ADGRG6: variants seen among roughly 807,000 people sequenced by gnomAD.
ADGRG6 encodes G-protein coupled receptor 126.
In ADGRG6, 84 loss-of-function variants were observed where a neutral mutation model predicts 142.4. The ratio of observed to expected loss-of-function variants is 0.59; its 90% CI spans 0.49 to 0.71. ADGRG6 has a LOEUF of 0.71. Among genes scored for constraint, ADGRG6 ranks in the 30% least tolerant of loss-of-function variants. ADGRG6 has a pLI of 0.00. For synonymous variants in ADGRG6, 521 were observed against 520.5 expected, an observed-to-expected ratio of 1.00 and a Z score of -0.01; for missense variants, 1,367 against 1,466.6, an observed-to-expected ratio of 0.93 and a Z score of 1.11.
chr6:142,413,491 T>TATA (rs1372833211), intron 18 of ADGRG6, among the ~76,000 whole-genome samples: 6 of 152,358 alleles, frequency 3.9e-5, no homozygotes, highest in African/African-American at 1.4e-4. Context: ...TGAAATTGTG[T>TATA]ATAAATCTGT....
At chr6:142,323,076 A>G (rs1194223427) in intron 2 of ADGRG6, among the ~76,000 whole-genome samples, 3 of 151,770 alleles carry the variant, frequency 2.0e-5, no homozygotes, top group Middle Eastern at 3.4e-3. Flanking sequence ...CTTGTTTCTG[A>G]AGAAGCACCT....
chr6:142,407,511 T>TA (rs1340750372), intron 15 of ADGRG6, among the ~76,000 whole-genome samples: 1 of 151,926 alleles, frequency 6.6e-6, no homozygotes, highest in East Asian at 1.9e-4. Flanking sequence ...AAGAAAAAAA[T>TA]AGAGATGAAC....
At chr6:142,375,664 A>G (rs975318508) in intron 4 of ADGRG6, among the ~76,000 whole-genome samples, 3 of 152,198 alleles carry the variant, frequency 2.0e-5, no homozygotes, top group Non-Finnish European at 4.4e-5. Flanking sequence ...ACAGTAACCA[A>G]TGGGAGAATA....
intron 14 of ADGRG6, 126 bp downstream of exon 14, chr6:142,404,099 T>C: frequency 1.4e-6 from 1 of 716,932 alleles, no homozygotes; most frequent in Non-Finnish European, 2.4e-6. Flanking sequence ...GAATGTTGGC[T>C]AAGTTTAACT....
chr6:142,430,407 T>C lies in ADGRG6; in HGVS notation c.3320-7027T>C, dbSNP rs111735648. ...GCACCAAGTAAATGACAATATGCATTGCCTCGAATTTTACTGTATAGTAGT... is the reference window on the plus strand; with the variant it reads ...GCACCAAGTAAATGACAATATGCATCGCCTCGAATTTTACTGTATAGTAGT... On this transcript the variant is annotated intron_variant, in intron 22 of 24. Coordinates refer to ENST00000367609, the MANE Select transcript of ADGRG6 (RefSeq NM_198569.3). 4.5e-3 allele frequency among the ~76,000 whole-genome samples: 682 copies of C among 152,274 alleles called. 4 individuals are homozygous for C. Among genetic ancestry groups the C allele is most frequent in the African/African-American group, 0.016 (648 of 41,562 alleles).
chr6:142,419,282 G>A (rs915089531), intron 21 of ADGRG6, among the ~76,000 whole-genome samples: 1 of 152,124 alleles, frequency 6.6e-6, no homozygotes, highest in African/African-American at 2.4e-5. Flanking sequence ...TTGGACAGAA[G>A]ATGCTGGCTG....
chr6:142,325,644 A>G (rs996199630), intron 2 of ADGRG6, among the ~76,000 whole-genome samples: 2 of 152,248 alleles, frequency 1.3e-5, no homozygotes, highest in East Asian at 3.9e-4. Flanking sequence ...AAATCAAAAT[A>G]CCTGTAACCA....
chr6:142,424,573 C>T (rs1034033638), intron 22 of ADGRG6, among the ~76,000 whole-genome samples: 50 of 148,134 alleles, frequency 3.4e-4, no homozygotes, highest in African/African-American at 9.3e-4. Context: ...TTCGGTTTGC[C>T]GGTATTTTAT....
In ADGRG6 at chr6:142,396,103, A is replaced by G. The variant is rs192552738; in HGVS notation, c.1425-1510A>G. ...CCTGACTTGTTGGGTTTGGGTATTC[A>G]ATATCACCCACAATACTTTGGGCTA... is the stretch of plus-strand genomic sequence containing the variant. On this transcript the variant is annotated intron_variant, in intron 9 of 24. Transcript: ENST00000367609. Among the ~76,000 whole-genome samples, 307 of 152,324 alleles carry G rather than the reference A, an allele frequency of 2.0e-3. 4 individuals carry two copies. Among genetic ancestry groups the G allele is most frequent in the Admixed American group, 0.016 (248 of 15,282 alleles).
intron 2 of ADGRG6, 129 bp downstream of exon 2, chr6:142,309,773 A>G: frequency 3.8e-6 from 2 of 523,326 alleles, no homozygotes; most frequent in Non-Finnish European, 6.5e-6. Context: ...TTCTATCCTT[A>G]TAGGGCAGTT....
At chr6:142,319,110 G>A (rs1778394085) in intron 2 of ADGRG6, among the ~76,000 whole-genome samples, 1 of 152,118 alleles carries the variant, frequency 6.6e-6, no homozygotes, top group Non-Finnish European at 1.5e-5. Flanking sequence ...ATACTGTTGT[G>A]CCTTAGAAAT....
At chr6:142,320,701 T>C (rs1778471127) in intron 2 of ADGRG6, among the ~76,000 whole-genome samples, 1 of 152,080 alleles carries the variant, frequency 6.6e-6, no homozygotes, top group South Asian at 2.1e-4. Context: ...GATGGTTGAT[T>C]TCCATTTTTC....
At chr6:142,378,056 A>G (rs1157468382) in intron 4 of ADGRG6, among the ~76,000 whole-genome samples, 3 of 152,200 alleles carry the variant, frequency 2.0e-5, no homozygotes, top group African/African-American at 7.2e-5. Context: ...ACTGAGAAGT[A>G]ATTGTTGCAG....
intron 2 of ADGRG6, among the ~76,000 whole-genome samples, chr6:142,316,390 T>C (rs904666225): frequency 2.0e-5 from 3 of 152,162 alleles, no homozygotes; most frequent in African/African-American, 7.2e-5. Flanking sequence ...GTCACTCTTA[T>C]TGGTTTGGGC....
At chr6:142,430,395 G>A (rs1440612658) in intron 22 of ADGRG6, among the ~76,000 whole-genome samples, 2 of 152,142 alleles carry the variant, frequency 1.3e-5, no homozygotes, top group African/African-American at 2.4e-5. Flanking sequence ...CCAAGTAAAT[G>A]ACAATATGCA....
At chr6:142,364,968 C>G (rs1341266997) in intron 2 of ADGRG6, among the ~76,000 whole-genome samples, 1 of 152,244 alleles carries the variant, frequency 6.6e-6, no homozygotes, top group East Asian at 1.9e-4. Flanking sequence ...ATGCACATAA[C>G]TTGGGTCTTG....
intron 20 of ADGRG6, among the ~76,000 whole-genome samples, 192 bp downstream of exon 20, chr6:142,416,256 A>G (rs1477837422): frequency 1.3e-5 from 2 of 152,196 alleles, no homozygotes; most frequent in African/African-American, 4.8e-5. Context: ...ACTCATCAAC[A>G]GCACTCACTA....
At chr6:142,379,915 A>T (rs879398912) in intron 4 of ADGRG6, among the ~76,000 whole-genome samples, 18 of 152,224 alleles carry the variant, frequency 1.2e-4, no homozygotes, top group Non-Finnish European at 1.9e-4. Context: ...CATGTGCCCA[A>T]GATGGTCAGG....
chr6:142,329,888 G>T (rs1778958206), intron 2 of ADGRG6, among the ~76,000 whole-genome samples: 1 of 152,160 alleles, frequency 6.6e-6, no homozygotes. Flanking sequence ...AAAGGAGGAG[G>T]CTGGGAAGAC....
Sources: gnomAD v4.1 joint callset for allele counts (sites outside exome capture counted in the v4.1 genomes callset) on GRCh38, gnomAD v4.1.1 for gene constraint, MANE v1.5 for transcripts, NCBI Gene and HGNC (gene_info 2026-07-23, HGNC 2026-07-21) for gene names.